Variants in ZNF678 observed in about 807,000 individuals in gnomAD.
ZNF678 encodes zinc finger protein 678.
ZNF678 carries 5 observed loss-of-function variants against 3.0 expected under a neutral mutation model. The observed-to-expected ratio is 1.69, with a 90% CI of 0.88 to 3.56. The LOEUF is 3.56. Ranked by LOEUF, ZNF678 falls within the 30% of genes most tolerant of loss-of-function variation. ZNF678 has a pLI of 0.00. For missense variants in ZNF678, 593 were observed against 605.0 expected (o/e 0.98, Z 0.21); for synonymous variants, 218 against 199.6 (o/e 1.09, Z -0.78).
chr1:227,581,468 C>T (rs1657127671), intron 1 of ZNF678, among the ~76,000 whole-genome samples: 1 of 152,236 alleles, frequency 6.6e-6, no homozygotes, highest in African/African-American at 2.4e-5. Context: ...CAAGTGCAAA[C>T]ATTACCCTGA....
chr1:227,580,166 C>A (rs370039698), intron 1 of ZNF678, among the ~76,000 whole-genome samples: 155 of 152,214 alleles, frequency 1.0e-3, no homozygotes, highest in African/African-American at 3.6e-3. Flanking sequence ...TGCATTGTTT[C>A]CAGCTTTCTG....
intron 1 of ZNF678, among the ~76,000 whole-genome samples, chr1:227,635,351 A>C (rs1658648081): frequency 6.6e-6 from 1 of 152,214 alleles, no homozygotes; most frequent in Non-Finnish European, 1.5e-5. Flanking sequence ...TGGAGAGAAG[A>C]GCCTACCTTC....
At chr1:227,618,736 TG>T (rs200052583) in intron 1 of ZNF678, among the ~76,000 whole-genome samples, 1 of 151,960 alleles carries the variant, frequency 6.6e-6, no homozygotes, top group African/African-American at 2.4e-5. Context: ...TTTTTGTTTT[TG>T]TTTTTTTGTT....
intron 1 of ZNF678, among the ~76,000 whole-genome samples, chr1:227,634,718 T>C (rs1196622435): frequency 6.6e-6 from 1 of 152,142 alleles, no homozygotes; most frequent in East Asian, 1.9e-4. Flanking sequence ...CCAGATAGAT[T>C]TCTAAAGGAC....
intron 1 of ZNF678, among the ~76,000 whole-genome samples, chr1:227,619,488 T>TTA (rs149803774): frequency 0.063 from 9,597 of 152,090 alleles, 523 homozygotes; most frequent in East Asian, 0.23. Context: ...TGTGTCATAG[T>TTA]TAACCCTTTT....
At chr1:227,603,572 G>T (rs1371421335) in intron 1 of ZNF678, among the ~76,000 whole-genome samples, 2 of 152,266 alleles carry the variant, frequency 1.3e-5, no homozygotes, top group East Asian at 3.9e-4. Context: ...AGTATGTAGG[G>T]AGTCATCTGA....
At chr1:227,633,330 A>T (rs1658597357) in intron 1 of ZNF678, among the ~76,000 whole-genome samples, 1 of 152,200 alleles carries the variant, frequency 6.6e-6, no homozygotes, top group African/African-American at 2.4e-5. Context: ...CTGGGTTTAT[A>T]TCGCAATCAT....
Position 227,627,814 on chromosome 1 carries a change from C to T in ZNF678, c.-163-18730C>T, listed in dbSNP as rs545102006. Among the ~76,000 whole-genome samples, 11 of 152,312 alleles carry T rather than the reference C, an allele frequency of 7.2e-5. No homozygotes were observed. The South Asian group carries it at 1.7e-3, about 23-fold the overall frequency. ...ACTGGCCACTGCATACCCCGCCTTT[C>T]GAAGTCCTTTTTCTACAAAGGAACT... On this transcript the variant is annotated intron_variant, in intron 1 of 3. Coordinates refer to ENST00000343776, the MANE Select transcript of ZNF678 (RefSeq NM_001367909.1).
chr1:227,645,465 TAGTC>T (rs1433819265), intron 1 of ZNF678, among the ~76,000 whole-genome samples: 4 of 152,248 alleles, frequency 2.6e-5, no homozygotes, highest in African/African-American at 7.2e-5. Flanking sequence ...CTTCTTATGA[TAGTC>T]AGGGGGCTCT....
rs1659366391 is a variant in ZNF678, at chr1:227,660,248, T to C, written c.*4420T>C. The C allele has an allele frequency of 8.1e-6, 1 of 123,714 alleles. No individual in the cohort carries two copies. Among genetic ancestry groups the C allele is most frequent in the Non-Finnish European group, 1.6e-5 (1 of 60,994 alleles). The allele number at this position is 123,714 out of a possible 1,614,324, so 7.7% of individuals were successfully genotyped here. ...CTTCAGAGTCTTTTACTGTACTATA[T>C]GAATTTTTGTGTTTTTTTTGTGAAA... On this transcript the variant is annotated 3_prime_UTR_variant, in exon 4 of 4. Transcript: ENST00000343776.
chr1:227,616,361 C>T (rs1381977582), intron 1 of ZNF678, among the ~76,000 whole-genome samples: 7 of 152,182 alleles, frequency 4.6e-5, no homozygotes, highest in South Asian at 2.1e-4. Flanking sequence ...AGGGTGACTC[C>T]GCAGGTGCTG....
intron 1 of ZNF678, among the ~76,000 whole-genome samples, chr1:227,575,717 T>C (rs781480950): frequency 7.9e-4 from 120 of 152,216 alleles, no homozygotes; most frequent in Non-Finnish European, 1.5e-3. Context: ...CCTGTCTTCC[T>C]ATTTGCATGC....
At chr1:227,569,924 G>A (rs1313710766) in intron 1 of ZNF678, among the ~76,000 whole-genome samples, 1 of 152,176 alleles carries the variant, frequency 6.6e-6, no homozygotes, top group Non-Finnish European at 1.5e-5. Context: ...GGTTTCAGTA[G>A]GTAAAGATCT....
intron 1 of ZNF678, among the ~76,000 whole-genome samples, chr1:227,611,854 T>C (rs1658029001): frequency 6.6e-6 from 1 of 152,180 alleles, no homozygotes; most frequent in Non-Finnish European, 1.5e-5. Context: ...AGATCTCCAC[T>C]GTGCCTTGGA....
At chr1:227,617,298 A>ATT (rs1658165154) in intron 1 of ZNF678, among the ~76,000 whole-genome samples, 1 of 152,174 alleles carries the variant, frequency 6.6e-6, no homozygotes, top group Non-Finnish European at 1.5e-5. Context: ...TGAGAGTAGC[A>ATT]TGTGTGTGAT....
chr1:227,678,567 C>T (rs1340723100), downstream of ZNF678, among the ~76,000 whole-genome samples: 1 of 152,228 alleles, frequency 6.6e-6, no homozygotes, highest in East Asian at 1.9e-4. Context: ...GCTCTCCATA[C>T]ACCCCGGGCT....
At chr1:227,646,520 C>A in intron 1 of ZNF678, 24 bp from the exon 2 acceptor site, 1 of 1,317,816 alleles carries the variant, frequency 7.6e-7, no homozygotes, top group Non-Finnish European at 9.9e-7. Flanking sequence ...TTTGTAAATA[C>A]GTGTGTATTT....
At chr1:227,577,745 A>G (rs1387395247) in intron 1 of ZNF678, among the ~76,000 whole-genome samples, 1 of 152,162 alleles carries the variant, frequency 6.6e-6, no homozygotes, top group East Asian at 1.9e-4. Flanking sequence ...ATTTAAGGTT[A>G]GTATTAAAAT....
At chr1:227,594,391 C>T (rs1657507155) in intron 1 of ZNF678, among the ~76,000 whole-genome samples, 1 of 152,050 alleles carries the variant, frequency 6.6e-6, no homozygotes, top group African/African-American at 2.4e-5. Context: ...CTCTTTTTAA[C>T]CTTTCATAAT....
Sources: gnomAD v4.1 joint callset for allele counts (sites outside exome capture counted in the v4.1 genomes callset) on GRCh38, gnomAD v4.1.1 for gene constraint, MANE v1.5 for transcripts, NCBI Gene and HGNC (gene_info 2026-07-23, HGNC 2026-07-21) for gene names.